Variants in PCDHGA1 observed in about 807,000 individuals in gnomAD.
PCDHGA1 encodes the protein protocadherin gamma subfamily A, 1.
A neutral mutation model predicts 58.0 loss-of-function variants in PCDHGA1; 32 were observed. That is an observed-to-expected ratio of 0.55 (90% CI 0.42 to 0.74). PCDHGA1 has a LOEUF of 0.74. Ranked by LOEUF, PCDHGA1 falls within the 30% of genes least tolerant of loss-of-function variation. The probability of loss-of-function intolerance (pLI) is 0.00; values close to 1 mark genes in which losing one functional copy is unlikely to be tolerated. For synonymous variants in PCDHGA1, 498 were observed against 501.1 expected (o/e 0.99, Z 0.08); for missense variants, 1,205 against 1,182.3 (o/e 1.02, Z -0.28).
At chr5:141,506,382 G>T (rs1311307230) in intron 3 of PCDHGA1, among the ~76,000 whole-genome samples, 1 of 151,500 alleles carries the variant, frequency 6.6e-6, no homozygotes, top group East Asian at 1.9e-4. Flanking sequence ...CTGGGAGGTG[G>T]CTGTGGTGAG....
intron 1 of PCDHGA1, among the ~76,000 whole-genome samples, chr5:141,438,454 T>C (rs2097961593): frequency 6.6e-6 from 1 of 151,734 alleles, no homozygotes; most frequent in Admixed American, 6.6e-5. Flanking sequence ...AATACAATGC[T>C]TGAGTTCAAT....
rs200254467 is a variant in PCDHGA1 at position 141,419,887 on chromosome 5, C to T, written c.2422-74920C>T. 380 of 1,614,050 alleles carry T rather than the reference C, an allele frequency of 2.4e-4. 1 individual carries two copies. The Admixed American group carries it at 2.6e-3, about 11-fold the overall frequency. ...TGCAAGAGGTACTGCCGGATTTCAGCGACCATCCCACACCCTCTGACTCCC... is the reference window on the plus strand; with the variant it reads ...TGCAAGAGGTACTGCCGGATTTCAGTGACCATCCCACACCCTCTGACTCCC... On this transcript the variant is annotated intron_variant, in intron 1 of 3. Transcript: ENST00000517417.
At position 141,332,679 on chromosome 5, in the gene PCDHGA1, C is replaced by T. The variant is rs1261271059; in HGVS notation, c.1995C>T (p.Ala665=). 1.2e-6 allele frequency: 2 copies of T among 1,613,612 alleles called. No individual in the cohort carries two copies. Among genetic ancestry groups the T allele is most frequent in the African/African-American group, 2.7e-5 (2 of 74,928 alleles). Residue 665 remains alanine (A), a synonymous_variant, in exon 1 of 4, where the codon GCC becomes GCT. Transcript: ENST00000517417. The surrounding 1 kb of genome is among the most constrained non-coding windows in gnomAD (Gnocchi z 4.6). ...SATVTLTVAV[A]DRISDILADL... ...CTGTCACGCTCACCGTGGCCGTGGC[C>T]GACAGGATCTCCGACATCCTGGCCG...
chr5:141,402,944 G>A (rs1487270083), intron 1 of PCDHGA1: 2 of 1,592,136 alleles, frequency 1.3e-6, no homozygotes, highest in Non-Finnish European at 1.7e-6. Context: ...ATTCCAAAGC[G>A]AGGCAGCAAT....
intron 3 of PCDHGA1, among the ~76,000 whole-genome samples, chr5:141,508,579 G>A (rs569867127): frequency 6.6e-6 from 1 of 152,234 alleles, no homozygotes; most frequent in East Asian, 1.9e-4. Flanking sequence ...ACCCACTCGG[G>A]GTGCTACTCA....
chr5:141,362,819 G>T lies in PCDHGA1; in HGVS notation c.2421+29714G>T, dbSNP rs73265837. On this transcript the variant is annotated intron_variant, in intron 1 of 3. Transcript: ENST00000517417. Reference sequence around the variant, plus strand: ...CATCTTTACATTACTTCTCTCTGCAGATTTGTTGCTATTGAGACTTTAGGC... The same window carrying T: ...CATCTTTACATTACTTCTCTCTGCATATTTGTTGCTATTGAGACTTTAGGC... 9.1e-3 allele frequency among the ~76,000 whole-genome samples: 1,386 copies of T among 152,280 alleles called. 21 individuals are homozygous for T. Among genetic ancestry groups the T allele is most frequent in the African/African-American group, 0.032 (1,315 of 41,542 alleles).
chr5:141,490,640 G>C lies in PCDHGA1; in HGVS notation c.2422-4167G>C, dbSNP rs774630488. 1 of 1,614,122 alleles carries C rather than the reference G, an allele frequency of 6.2e-7. No individual in the cohort carries two copies. The highest frequency in any genetic ancestry group is 8.5e-7 in the Non-Finnish European group (1 of 1,180,012). On this transcript the variant is annotated intron_variant, in intron 1 of 3. Coordinates refer to ENST00000517417, the MANE Select transcript of PCDHGA1 (RefSeq NM_018912.3). This position sits in a 1 kb window ranked among gnomAD's most constrained non-coding sequence, Gnocchi z 5.4. The stretch of plus-strand genomic sequence containing the variant: ...TACACTGCTTACATCCTAGAAAACC[G>C]GCCTCCGGGCTCCCTTCTTTGCACT...
chr5:141,486,083 C>T lies in PCDHGA1; in HGVS notation c.2422-8724C>T, dbSNP rs367657659. On this transcript the variant is annotated intron_variant, in intron 1 of 3. Coordinates refer to ENST00000517417, the MANE Select transcript of PCDHGA1 (RefSeq NM_018912.3). This position sits in a 1 kb window ranked among gnomAD's most constrained non-coding sequence, Gnocchi z 5.0. ...GCACCCCACTACTGGAAAGCTTACTCTTTTGGGGCCCCTAGACTTTGAGAG... is the reference window on the plus strand; with the variant it reads ...GCACCCCACTACTGGAAAGCTTACTTTTTTGGGGCCCCTAGACTTTGAGAG... The T allele has an allele frequency of 1.2e-6, 2 of 1,614,062 alleles. No individual in the cohort carries two copies. Among genetic ancestry groups the T allele is most frequent in the Non-Finnish European group, 1.7e-6 (2 of 1,180,040 alleles).
intron 1 of PCDHGA1, among the ~76,000 whole-genome samples, chr5:141,349,157 G>T (rs1174610915): frequency 1.3e-5 from 2 of 152,068 alleles, no homozygotes. Context: ...TGCAACCTCT[G>T]CCTCCTGAGT....
At chr5:141,393,961 T>C (rs775398827) in intron 1 of PCDHGA1, 1 of 1,613,960 alleles carries the variant, frequency 6.2e-7, no homozygotes, top group South Asian at 1.1e-5. Flanking sequence ...GGTCAAGTTG[T>C]CTGTTACACA....
intron 1 of PCDHGA1, chr5:141,390,115 G>A: frequency 1.2e-6 from 2 of 1,614,036 alleles, no homozygotes; most frequent in Non-Finnish European, 1.7e-6. Flanking sequence ...TACAGCGAGG[G>A]GACTTTGCCT....
intron 1 of PCDHGA1, among the ~76,000 whole-genome samples, chr5:141,460,003 A>AG (rs1177398494): frequency 6.6e-6 from 1 of 152,186 alleles, no homozygotes; most frequent in African/African-American, 2.4e-5. Context: ...GCTTGAACCC[A>AG]GGAGGCGGAG....
chr5:141,342,416 T>C (rs1367129355), intron 1 of PCDHGA1: 2 of 152,224 alleles, frequency 1.3e-5, no homozygotes, highest in African/African-American at 4.8e-5. Context: ...ATAAGCACAC[T>C]AATGTTCTAT....
intron 1 of PCDHGA1, chr5:141,392,409 A>G (rs1308940731): frequency 6.4e-6 from 1 of 156,720 alleles, no homozygotes; most frequent in African/African-American, 2.4e-5. Context: ...ACTAAATAAA[A>G]CCTTCATCTC....
chr5:141,404,132 T>C, intron 1 of PCDHGA1: 1 of 1,613,136 alleles, frequency 6.2e-7, no homozygotes, highest in Non-Finnish European at 8.5e-7. Context: ...ATCTTTTACA[T>C]TAGAAAATTC....
chr5:141,395,124 C>T, intron 1 of PCDHGA1: 2 of 1,614,194 alleles, frequency 1.2e-6, no homozygotes, highest in Non-Finnish European at 1.7e-6. Context: ...CCTGATCTTT[C>T]CCCAGCCCAA....
chr5:141,356,651 A>G (rs1457721502), intron 1 of PCDHGA1: 1 of 1,614,048 alleles, frequency 6.2e-7, no homozygotes, highest in African/African-American at 1.3e-5. Flanking sequence ...AGTGGTGACA[A>G]TGCCCGAATC....
At chr5:141,379,674 AC>A (rs1181796015) in intron 1 of PCDHGA1, 1 of 152,100 alleles carries the variant, frequency 6.6e-6, no homozygotes, top group Non-Finnish European at 1.5e-5. Flanking sequence ...AAAGTCATTC[AC>A]TCATGTGGAC....
chr5:141,389,204 T>G, intron 1 of PCDHGA1: 6 of 1,613,894 alleles, frequency 3.7e-6, no homozygotes, highest in Non-Finnish European at 5.1e-6. Context: ...CCCTGCACAT[T>G]GGTGATGTAA....
Sources: gnomAD v4.1 joint callset for allele counts (sites outside exome capture counted in the v4.1 genomes callset) on GRCh38, gnomAD v4.1.1 for gene constraint, Gnocchi (gnomAD v3.1) non-coding constraint, MANE v1.5 for transcripts, NCBI Gene and HGNC (gene_info 2026-07-23, HGNC 2026-07-21) for gene names.